The following TJP3 variants were observed in gnomAD, a reference collection of about 807,000 sequenced individuals.
TJP3 encodes the protein tight junction protein 3.
TJP3 carries 85 observed loss-of-function variants against 104.2 expected under a neutral mutation model. That is an observed-to-expected ratio of 0.82 (90% confidence interval 0.68 to 0.98). TJP3 has a LOEUF of 0.98. Ranked by LOEUF, TJP3 falls within the 50% of genes least tolerant of loss-of-function variation. TJP3 has a pLI of 0.00. For synonymous variants in TJP3, 550 were observed against 550.6 expected, an observed-to-expected ratio of 1.00 and a Z score of 0.02; for missense variants, 1,367 against 1,322.8, an observed-to-expected ratio of 1.03 and a Z score of -0.52.
rs1482010509 is a variant in TJP3 at position 3,746,608 on chromosome 19, T to C, written c.2134T>C (p.Trp712Arg). Reference protein sequence around the residue: ...SRPALKALRQWLAPASRRSTR... With the variant: ...SRPALKALRQRLAPASRRSTR... ...GCCGGCCCTCAAGGCACTGCGCCAG[T>C]GGCTGGCGCCTGCCTCCCGCCGCAG... Residue 712 changes from tryptophan (W) to arginine (R), a missense_variant, in exon 17 of 21, where the codon TGG (tryptophan) becomes CGG (arginine). Transcript: ENST00000541714. The surrounding 1 kb of genome is among the most constrained non-coding windows in gnomAD (Gnocchi z 4.1). 3 of 1,611,478 alleles carry C rather than the reference T, an allele frequency of 1.9e-6. No individual in the cohort carries two copies. The highest frequency in any genetic ancestry group is 1.7e-5 in the Admixed American group (1 of 59,868).
At chr19:3,726,088 C>A (rs1397670026) in intron 1 of TJP3, among the ~76,000 whole-genome samples, 2 of 152,234 alleles carry the variant, frequency 1.3e-5, no homozygotes, top group Admixed American at 1.3e-4. Flanking sequence ...GGTGCCTGGG[C>A]AGAGGGAATC....
chr19:3,716,973 T>G, intron 1 of TJP3, among the ~76,000 whole-genome samples: 1 of 140,088 alleles, frequency 7.1e-6, no homozygotes, highest in Admixed American at 7.3e-5. Flanking sequence ...TGACTTTTTT[T>G]TTTTTTTTTG....
intron 15 of TJP3, 103 bp from the exon 16 acceptor site, chr19:3,745,908 G>A: frequency 1.1e-6 from 1 of 932,504 alleles, no homozygotes; most frequent in South Asian, 1.5e-5. Flanking sequence ...AGGGCAATGG[G>A]GAGCCATGGT....
rs1311442032 is a variant in TJP3 at position 3,740,776 on chromosome 19, G to A, written c.1843+13G>A. On this transcript the variant is annotated intron_variant, in intron 14 of 20. Coordinates refer to ENST00000541714, the MANE Select transcript of TJP3 (RefSeq NM_001267560.2). ...GTGTTGCGAGAAGGTGGGGCCCGGA[G>A]CTGGAGGGGCCCTGGGGAGGCCTCA... is the stretch of plus-strand genomic sequence containing the variant. 1.9e-6 allele frequency: 3 copies of A among 1,543,972 alleles called. No individual in the cohort carries two copies. Among genetic ancestry groups the A allele is most frequent in the Non-Finnish European group, 1.7e-6 (2 of 1,146,280 alleles).
intron 15 of TJP3, among the ~76,000 whole-genome samples, chr19:3,744,954 A>C (rs1175721563): frequency 6.6e-6 from 1 of 151,740 alleles, no homozygotes; most frequent in Non-Finnish European, 1.5e-5. Flanking sequence ...AATAGTTAAG[A>C]TTGCAAATTT....
At chr19:3,711,656 G>C (rs542633564) in intron 1 of TJP3, among the ~76,000 whole-genome samples, 1 of 147,110 alleles carries the variant, frequency 6.8e-6, no homozygotes, top group South Asian at 2.2e-4. Flanking sequence ...ACTTTGGGAG[G>C]CCGAGACGGG....
intron 15 of TJP3, 73 bp downstream of exon 15, chr19:3,744,107 G>A (rs2036856168): frequency 3.5e-6 from 5 of 1,415,248 alleles, no homozygotes; most frequent in African/African-American, 1.4e-5. Context: ...GGGGGTCGGG[G>A]GAGAGTTAGA....
chr19:3,721,803 T>A, intron 1 of TJP3: 5 of 709,370 alleles, frequency 7.0e-6, no homozygotes, highest in Non-Finnish European at 7.8e-6. Context: ...GTGACTCTCC[T>A]CAGCCCCCTC....
chr19:3,748,205 C>T, intron 19 of TJP3, 124 bp downstream of exon 19: 3 of 1,287,314 alleles, frequency 2.3e-6, no homozygotes, highest in South Asian at 1.6e-5. Context: ...CCTGGTCAGA[C>T]TGGTTTCTGG....
intron 6 of TJP3, among the ~76,000 whole-genome samples, chr19:3,732,901 T>A (rs2036690458): frequency 1.3e-5 from 2 of 152,168 alleles, no homozygotes; most frequent in Non-Finnish European, 2.9e-5. Flanking sequence ...CGCCTCGGCC[T>A]CCCAAAGTGC....
In TJP3 at chr19:3,726,072, A is replaced by G. The variant is rs2036593029; in HGVS notation, c.-9-2352A>G. On this transcript the variant is annotated intron_variant, in intron 1 of 20. Transcript: ENST00000541714. ...TAAGAAAAGGCACTGGAGCGCACCA[A>G]TGGGGGGTGCCTGGGCAGAGGGAAT... Among the ~76,000 whole-genome samples, 3 of 152,224 alleles carry G rather than the reference A, an allele frequency of 2.0e-5. No homozygotes were observed. In the South Asian group the frequency reaches 6.2e-4, roughly 31 times the overall value.
intron 3 of TJP3, among the ~76,000 whole-genome samples, chr19:3,729,398 T>A (rs1454494646): frequency 6.6e-6 from 1 of 151,958 alleles, no homozygotes; most frequent in East Asian, 1.9e-4. Context: ...AAAGAAAATA[T>A]GAAATACAGA....
rs901989779 is a variant in TJP3, at chr19:3,734,322, T to C, written c.878-5T>C. 2 of 1,613,416 alleles carry C rather than the reference T, an allele frequency of 1.2e-6. No individual in the cohort carries two copies. The highest frequency in any genetic ancestry group is 1.7e-6 in the Non-Finnish European group (2 of 1,179,704). ...TGGCTGATGAGATGTCCTCTCCCCCTGCAGACATCTCGGACCTCGCCTCGG... is the reference window on the plus strand; with the variant it reads ...TGGCTGATGAGATGTCCTCTCCCCCCGCAGACATCTCGGACCTCGCCTCGG... On this transcript the variant is annotated splice_polypyrimidine_tract_variant and splice_region_variant and intron_variant, in intron 7 of 20. Coordinates refer to ENST00000541714, the MANE Select transcript of TJP3 (RefSeq NM_001267560.2).
intron 18 of TJP3, among the ~76,000 whole-genome samples, chr19:3,747,264 T>C (rs1177346808): frequency 6.6e-6 from 1 of 151,902 alleles, no homozygotes; most frequent in Admixed American, 6.6e-5. Flanking sequence ...TTTCACCATG[T>C]TGGCCAGGCT....
chr19:3,729,923 C>A lies in TJP3; in HGVS notation c.159-105C>A. On this transcript the variant is annotated intron_variant, in intron 3 of 20. Coordinates refer to ENST00000541714, the MANE Select transcript of TJP3 (RefSeq NM_001267560.2). Reference sequence around the variant, plus strand: ...GGGACACCAATGAATTAGAACCAGGCCTTGTAGATCTGGAGGTTCCAGGGG... The same window carrying A: ...GGGACACCAATGAATTAGAACCAGGACTTGTAGATCTGGAGGTTCCAGGGG... 3.6e-6 allele frequency: 3 copies of A among 828,868 alleles called. No homozygotes were observed. The Admixed American group carries it at 5.4e-5, about 15-fold the overall frequency. The allele number at this position is 828,868 out of a possible 1,614,324, so 51.3% of individuals were successfully genotyped here. A position where few individuals can be genotyped will look rare whatever the true frequency, so the allele number is the denominator to read the frequency against.
At chr19:3,711,089 C>G (rs62130623) in intron 1 of TJP3, among the ~76,000 whole-genome samples, 4,554 of 33,528 alleles carry the variant, frequency 0.14, 691 homozygotes, top group East Asian at 0.86. Context: ...ATTTTTAGTA[C>G]AGACGGGGTT....
rs569753203 is a variant in TJP3, at chr19:3,721,808, C to A, written c.-9-6616C>A. 4.0e-6 allele frequency: 3 copies of A among 752,082 alleles called. No individual in the cohort carries two copies. In the African/African-American group the frequency reaches 5.4e-5, roughly 14 times the overall value. 46.6% of individuals were successfully genotyped at this position (752,082 alleles called of 1,614,324 possible). A position where few individuals can be genotyped will look rare whatever the true frequency, so the allele number is the denominator to read the frequency against. ...TCAGCCCGCTGTGACTCTCCTCAGCCCCCTCCCCCAGCCCGGGGTGGGGGC... is the reference window on the plus strand; with the variant it reads ...TCAGCCCGCTGTGACTCTCCTCAGCACCCTCCCCCAGCCCGGGGTGGGGGC... On this transcript the variant is annotated intron_variant, in intron 1 of 20. Coordinates refer to ENST00000541714, the MANE Select transcript of TJP3 (RefSeq NM_001267560.2).
At chr19:3,738,409 G>A (rs973994382) in intron 11 of TJP3, 146 bp from the exon 12 acceptor site, 7 of 642,268 alleles carry the variant, frequency 1.1e-5, no homozygotes, top group African/African-American at 5.4e-5. Flanking sequence ...TACCCCAGTC[G>A]GAAAGCCCTC....
rs532696679 is a variant in TJP3 at position 3,738,706 on chromosome 19, G to A, written c.1393+43G>A. The A allele has an allele frequency of 8.3e-6, 13 of 1,563,422 alleles. No individual in the cohort carries two copies. In the African/African-American group the frequency reaches 1.4e-4, roughly 16 times the overall value. The stretch of plus-strand genomic sequence containing the variant: ...TGGGTGTGCCTGTGTGTTGCGGGGG[G>A]AGGACCTGGCTGTGTGGCCTGGTGG... On this transcript the variant is annotated intron_variant, in intron 12 of 20. Transcript: ENST00000541714.
Sources: allele counts gnomAD v4.1 joint callset (sites outside exome capture counted in the v4.1 genomes callset), GRCh38; gene constraint gnomAD v4.1.1; non-coding constraint Gnocchi (gnomAD v3.1); transcripts MANE v1.5; gene names NCBI Gene and HGNC (gene_info 2026-07-23, HGNC 2026-07-21).